ROBO1: variants seen among roughly 807,000 people sequenced by gnomAD.
The protein encoded by ROBO1 is roundabout homolog 1.
In ROBO1, 149 loss-of-function variants were observed where a neutral mutation model predicts 195.9. That is an observed-to-expected ratio of 0.76 (90% confidence interval 0.67 to 0.87). The LOEUF (loss-of-function observed/expected upper bound fraction) is 0.87, where lower values mean the gene tolerates loss of function less well. Among genes scored for constraint, ROBO1 ranks in the 40% least tolerant of loss-of-function variants. The pLI is 0.00. For synonymous variants in ROBO1, 816 were observed against 733.2 expected (o/e 1.11, Z -1.82); for missense variants, 1,933 against 2,068.3 (o/e 0.93, Z 1.27).
intron 4 of ROBO1, among the ~76,000 whole-genome samples, chr3:78,937,442 G>A (rs2039874834): frequency 6.6e-6 from 1 of 151,670 alleles, no homozygotes; most frequent in African/African-American, 2.4e-5. Flanking sequence ...TAGTTTTATA[G>A]AGAATTATAT....
chr3:79,205,140 G>A (rs1402489278), intron 2 of ROBO1, among the ~76,000 whole-genome samples: 2 of 151,834 alleles, frequency 1.3e-5, no homozygotes, highest in Non-Finnish European at 2.9e-5. Flanking sequence ...TTACAGGCGC[G>A]CACCACCATA....
intron 2 of ROBO1, among the ~76,000 whole-genome samples, chr3:79,302,542 A>G (rs972578783): frequency 1.3e-5 from 2 of 152,160 alleles, no homozygotes; most frequent in Admixed American, 6.5e-5. Context: ...AATTGTGATC[A>G]GTTGCTCAAA....
chr3:78,658,210 T>G (rs1559705876), intron 17 of ROBO1, among the ~76,000 whole-genome samples: 1 of 152,212 alleles, frequency 6.6e-6, no homozygotes, highest in Non-Finnish European at 1.5e-5. Flanking sequence ...CTGCGATGTT[T>G]AAGAACTTGG....
intron 3 of ROBO1, among the ~76,000 whole-genome samples, chr3:79,050,367 A>G (rs1362737642): frequency 1.3e-5 from 2 of 152,228 alleles, no homozygotes; most frequent in East Asian, 3.9e-4. Context: ...ATATATATGC[A>G]TCCAATACAG....
chr3:79,223,676 GT>G (rs1336904668), intron 2 of ROBO1, among the ~76,000 whole-genome samples: 9 of 152,066 alleles, frequency 5.9e-5, no homozygotes, highest in Admixed American at 5.2e-4. Flanking sequence ...TACACAACAT[GT>G]TTACAATCCA....
intron 1 of ROBO1, among the ~76,000 whole-genome samples, chr3:79,750,950 A>AT (rs1334921408): frequency 1.3e-5 from 2 of 152,156 alleles, no homozygotes; most frequent in African/African-American, 4.8e-5. Context: ...CAAACCATTA[A>AT]TTTTTTAATA....
chr3:79,244,158 C>G (rs1315600150), intron 2 of ROBO1, among the ~76,000 whole-genome samples: 4 of 152,040 alleles, frequency 2.6e-5, no homozygotes, highest in African/African-American at 9.7e-5. Context: ...GATGTTCTTT[C>G]TATCATATAT....
At chr3:79,439,259 T>A (rs948200419) in intron 2 of ROBO1, among the ~76,000 whole-genome samples, 2 of 152,090 alleles carry the variant, frequency 1.3e-5, no homozygotes, top group African/African-American at 4.8e-5. Flanking sequence ...TGGAATATTA[T>A]AACTGACATC....
At chr3:79,404,777 CA>C (rs2037485505) in intron 2 of ROBO1, among the ~76,000 whole-genome samples, 1 of 151,792 alleles carries the variant, frequency 6.6e-6, no homozygotes, top group Non-Finnish European at 1.5e-5. Context: ...TTACCATGGC[CA>C]TTAAAAAACT....
At chr3:79,521,938 G>T (rs1332059650) in intron 2 of ROBO1, among the ~76,000 whole-genome samples, 1 of 152,078 alleles carries the variant, frequency 6.6e-6, no homozygotes, top group Non-Finnish European at 1.5e-5. Context: ...TACATGGTTG[G>T]TTTACATAGA....
At chr3:79,743,871 T>C (rs1051144536) in intron 1 of ROBO1, among the ~76,000 whole-genome samples, 1 of 152,114 alleles carries the variant, frequency 6.6e-6, no homozygotes, top group Non-Finnish European at 1.5e-5. Context: ...TGCAGAACAA[T>C]AGCACACGGA....
chr3:79,221,771 G>T (rs918471569), intron 2 of ROBO1, among the ~76,000 whole-genome samples: 1 of 151,952 alleles, frequency 6.6e-6, no homozygotes, highest in African/African-American at 2.4e-5. Flanking sequence ...ACTATAAGGA[G>T]CCAGATTAAA....
chr3:79,497,151 G>A (rs1559941789), intron 2 of ROBO1, among the ~76,000 whole-genome samples: 1 of 152,154 alleles, frequency 6.6e-6, no homozygotes, highest in Non-Finnish European at 1.5e-5. Context: ...TGGCGATGCT[G>A]CAAGTTTCAA....
At chr3:78,951,094 T>A (rs1560040434) in intron 3 of ROBO1, among the ~76,000 whole-genome samples, 2 of 151,672 alleles carry the variant, frequency 1.3e-5, no homozygotes, top group Admixed American at 6.6e-5. Flanking sequence ...TATATATAAC[T>A]CTGACTCACT....
intron 2 of ROBO1, among the ~76,000 whole-genome samples, chr3:79,143,123 A>G (rs2080563081): frequency 6.6e-6 from 1 of 152,128 alleles, no homozygotes. Context: ...AACACCTAAG[A>G]ATGTGTTCCT....
intron 2 of ROBO1, among the ~76,000 whole-genome samples, chr3:79,497,869 A>G (rs1939834541): frequency 6.6e-6 from 1 of 152,200 alleles, no homozygotes. Flanking sequence ...AAAATCAAAA[A>G]TTTGAAAATA....
At chr3:79,530,262 T>G (rs1941593197) in intron 2 of ROBO1, among the ~76,000 whole-genome samples, 1 of 152,156 alleles carries the variant, frequency 6.6e-6, no homozygotes, top group African/African-American at 2.4e-5. Context: ...ATTTTATACT[T>G]TCTCCCTGGT....
At chr3:79,314,237 A>G (rs1408161089) in intron 2 of ROBO1, among the ~76,000 whole-genome samples, 1 of 152,172 alleles carries the variant, frequency 6.6e-6, no homozygotes, top group Non-Finnish European at 1.5e-5. Context: ...TAAATTTCCA[A>G]TAAAAAACCT....
intron 8 of ROBO1, among the ~76,000 whole-genome samples, chr3:78,696,635 C>CATAT (rs112581315): frequency 2.1e-5 from 3 of 144,690 alleles, no homozygotes; most frequent in East Asian, 2.0e-4. Context: ...TTACTACATG[C>CATAT]ATATATATAT....
Sources: gnomAD v4.1 joint callset for allele counts (sites outside exome capture counted in the v4.1 genomes callset) on GRCh38, gnomAD v4.1.1 for gene constraint, MANE v1.5 for transcripts, NCBI Gene and HGNC (gene_info 2026-07-23, HGNC 2026-07-21) for gene names.